The following CPAP variants were observed in gnomAD, a reference collection of about 807,000 sequenced individuals.
CPAP encodes the protein centrosomal P4.1-associated protein.
the CPAP span, chr13:24,905,536 CAGG>C: frequency 6.2e-7 from 1 of 1,614,124 alleles, no homozygotes; most frequent in Non-Finnish European, 8.5e-7. Context: ...TTGTTTTGTC[CAGG>C]ATACCTATTT....
At chr13:24,932,184 G>T in the CPAP span, among the ~76,000 whole-genome samples, 1 of 152,050 alleles carries the variant, frequency 6.6e-6, no homozygotes, top group Admixed American at 6.6e-5. Context: ...CCCCCAAACC[G>T]ACACGGGACT....
chr13:24,926,497 C>T, the CPAP span, among the ~76,000 whole-genome samples: 5 of 152,126 alleles, frequency 3.3e-5, no homozygotes, highest in South Asian at 4.2e-4. Flanking sequence ...ACATCTTTAA[C>T]GTTATGGGCC....
At chr13:24,931,976 C>T in the CPAP span, among the ~76,000 whole-genome samples, 3 of 152,354 alleles carry the variant, frequency 2.0e-5, no homozygotes, top group East Asian at 5.8e-4. Context: ...AGACAAACCC[C>T]GCCTGAGGCC....
chr13:24,908,133 T>G, the CPAP span: 14 of 1,596,232 alleles, frequency 8.8e-6, no homozygotes, highest in Non-Finnish European at 1.2e-5. Context: ...TCTCCTGAGA[T>G]AAAAATTAAG....
chr13:24,895,566 G>C, the CPAP span, among the ~76,000 whole-genome samples: 6 of 151,664 alleles, frequency 4.0e-5, no homozygotes, highest in Non-Finnish European at 7.4e-5. Flanking sequence ...AGAAAGAAAA[G>C]AAAGAAAAGA....
At chr13:24,921,163 C>T in the CPAP span, among the ~76,000 whole-genome samples, 1 of 152,118 alleles carries the variant, frequency 6.6e-6, no homozygotes, top group Admixed American at 6.5e-5. Context: ...GCTGAAACTG[C>T]CGGTTGTAAC....
chr13:24,932,885 C>A, the CPAP span: 1 of 664,058 alleles, frequency 1.5e-6, no homozygotes, highest in Non-Finnish European at 2.7e-6. Context: ...CAATTTACAA[C>A]ATGATTACAA....
chr13:24,896,185 A>G, the CPAP span, among the ~76,000 whole-genome samples: 1 of 152,262 alleles, frequency 6.6e-6, no homozygotes, highest in African/African-American at 2.4e-5. Context: ...ATGAATACCC[A>G]GGGTTACACA....
chr13:24,884,527 C>T, the CPAP span: 1 of 1,505,030 alleles, frequency 6.6e-7, no homozygotes, highest in Non-Finnish European at 9.2e-7. Context: ...GCTAATTCTC[C>T]TCCCAACTGC....
the CPAP span, chr13:24,884,559 T>A: frequency 8.3e-7 from 1 of 1,201,222 alleles, no homozygotes; most frequent in Non-Finnish European, 1.2e-6. Flanking sequence ...TTTTTTGTAA[T>A]AAAATGTAAA....
At chr13:24,900,401 G>A in the CPAP span, among the ~76,000 whole-genome samples, 5 of 152,234 alleles carry the variant, frequency 3.3e-5, no homozygotes, top group African/African-American at 4.8e-5. Flanking sequence ...TTGGGAGGCC[G>A]AGGCGGGCAG....
At chr13:24,890,793 G>A in the CPAP span, among the ~76,000 whole-genome samples, 1 of 151,850 alleles carries the variant, frequency 6.6e-6, no homozygotes, top group African/African-American at 2.4e-5. Flanking sequence ...CCCGCCTCTG[G>A]GCACAAAGGC....
chr13:24,884,195 T>A, the CPAP span: 1 of 1,614,198 alleles, frequency 6.2e-7, no homozygotes, highest in South Asian at 1.1e-5. Context: ...AGACTTCCAG[T>A]CCCTCCGGGT....
chr13:24,902,717 C>G, the CPAP span, among the ~76,000 whole-genome samples: 1 of 152,158 alleles, frequency 6.6e-6, no homozygotes, highest in South Asian at 2.1e-4. Flanking sequence ...GAACTAGCAG[C>G]ACCTGTCAGA....
At chr13:24,907,943 A>G in the CPAP span, 2 of 1,106,080 alleles carry the variant, frequency 1.8e-6, no homozygotes, top group Non-Finnish European at 2.8e-6. Flanking sequence ...TCTTTCAAAC[A>G]AAGAAAGTGT....
chr13:24,885,777 T>C, the CPAP span: 4 of 803,172 alleles, frequency 5.0e-6, no homozygotes, highest in Middle Eastern at 3.5e-4. Flanking sequence ...CTGTCCTTTA[T>C]CCATTAGTTA....
chr13:24,915,517 G>A, the CPAP span, among the ~76,000 whole-genome samples: 2 of 152,106 alleles, frequency 1.3e-5, no homozygotes, highest in African/African-American at 4.8e-5. Context: ...AAAAAGAGAG[G>A]AGGCGGCTGG....
At chr13:24,897,143 G>A in the CPAP span, among the ~76,000 whole-genome samples, 1 of 152,238 alleles carries the variant, frequency 6.6e-6, no homozygotes, top group Non-Finnish European at 1.5e-5. Context: ...TTGGGGAGCT[G>A]AGGCAGGAGA....
chr13:24,913,809 C>T, the CPAP span, among the ~76,000 whole-genome samples: 8 of 152,216 alleles, frequency 5.3e-5, no homozygotes, highest in Admixed American at 4.6e-4. Flanking sequence ...ATTACATTGG[C>T]TCATGCCATA....
Sources: allele counts gnomAD v4.1 joint callset (sites outside exome capture counted in the v4.1 genomes callset), GRCh38; gene constraint gnomAD v4.1.1; transcripts MANE v1.5; gene names NCBI Gene and HGNC (gene_info 2026-07-23, HGNC 2026-07-21).